The following ERC1 variants were observed in gnomAD, a reference collection of about 807,000 sequenced individuals.
ERC1 encodes the protein RAB6 interacting protein 2.
ERC1 carries 56 observed loss-of-function variants against 132.0 expected under a neutral mutation model. That is an observed-to-expected ratio of 0.42 (90% CI 0.34 to 0.53). ERC1 has a LOEUF of 0.53. Ranked by LOEUF, ERC1 falls within the 20% of genes least tolerant of loss-of-function variation. The probability of loss-of-function intolerance (pLI) is 0.03; values close to 1 mark genes in which losing one functional copy is unlikely to be tolerated. For missense variants in ERC1, 1,202 were observed against 1,349.9 expected (o/e 0.89, Z 1.72); for synonymous variants, 478 against 476.1 (o/e 1.00, Z -0.05).
chr12:1,382,637 T>C (rs1293379594), intron 16 of ERC1, among the ~76,000 whole-genome samples: 3 of 152,188 alleles, frequency 2.0e-5, no homozygotes, highest in Non-Finnish European at 2.9e-5. Context: ...ATCAAATGAT[T>C]TTAAAGTCTA....
Position 999,361 on chromosome 12 carries a change from G to A in ERC1, c.-157+8039G>A, listed in dbSNP as rs144631084. ...TTTCCATTTGGATGCCCCTTAAACC[G>A]AACACATCCAGAACGGAATGTATGA... On this transcript the variant is annotated intron_variant, in intron 1 of 18. Coordinates refer to ENST00000360905, the MANE Select transcript of ERC1 (RefSeq NM_178040.4). Among the ~76,000 whole-genome samples, 505 of 152,136 alleles carry A rather than the reference G, an allele frequency of 3.3e-3. 1 individual carries two copies. The highest frequency in any genetic ancestry group is 0.011 in the African/African-American group (452 of 41,490).
At chr12:1,094,135 C>T (rs1478900717) in intron 3 of ERC1, among the ~76,000 whole-genome samples, 22 of 149,358 alleles carry the variant, frequency 1.5e-4, no homozygotes, top group Middle Eastern at 3.5e-3. Context: ...TCTTCTGCCT[C>T]GGCCTCCTGA....
At chr12:1,431,161 G>A (rs977093266) in intron 17 of ERC1, among the ~76,000 whole-genome samples, 1 of 152,172 alleles carries the variant, frequency 6.6e-6, no homozygotes, top group African/African-American at 2.4e-5. Flanking sequence ...TGCCGACTGA[G>A]AACTTAGCTG....
chr12:1,323,468 T>G (rs1295404444), intron 15 of ERC1, among the ~76,000 whole-genome samples: 1 of 152,162 alleles, frequency 6.6e-6, no homozygotes, highest in Non-Finnish European at 1.5e-5. Flanking sequence ...AATAAAGAAA[T>G]GGTCACTGTC....
chr12:1,338,652 C>G (rs1595088351), intron 15 of ERC1, among the ~76,000 whole-genome samples: 1 of 152,058 alleles, frequency 6.6e-6, no homozygotes, highest in Non-Finnish European at 1.5e-5. Flanking sequence ...TTGGTTCTTT[C>G]TTATCTTTCT....
intron 1 of ERC1, among the ~76,000 whole-genome samples, chr12:1,018,196 G>T (rs1375032482): frequency 6.6e-6 from 1 of 152,042 alleles, no homozygotes; most frequent in East Asian, 1.9e-4. Flanking sequence ...TCAGTTCATG[G>T]AATTTGTTTT....
At chr12:1,418,257 A>G (rs2092219243) in intron 17 of ERC1, among the ~76,000 whole-genome samples, 1 of 152,238 alleles carries the variant, frequency 6.6e-6, no homozygotes, top group African/African-American at 2.4e-5. Context: ...ATTGGATACA[A>G]CAACAGAAGC....
At chr12:1,400,952 T>G (rs868656830) in intron 16 of ERC1, among the ~76,000 whole-genome samples, 15 of 126,938 alleles carry the variant, frequency 1.2e-4, no homozygotes, top group African/African-American at 4.4e-4. Flanking sequence ...TTTTTTTTTT[T>G]TGTGACGGAG....
At chr12:1,177,952 T>C (rs762355755) in intron 8 of ERC1, among the ~76,000 whole-genome samples, 1 of 152,182 alleles carries the variant, frequency 6.6e-6, no homozygotes, top group Non-Finnish European at 1.5e-5. Flanking sequence ...CCGTATGAGA[T>C]TTCAATAGTA....
chr12:1,478,799 A>G (rs2094027714), intron 18 of ERC1, among the ~76,000 whole-genome samples: 2 of 142,278 alleles, frequency 1.4e-5, no homozygotes, highest in Non-Finnish European at 1.5e-5. Flanking sequence ...AATAAAAAAA[A>G]GAGAGAGAGA....
chr12:1,299,719 T>TA (rs939248228), intron 15 of ERC1, among the ~76,000 whole-genome samples: 5 of 150,824 alleles, frequency 3.3e-5, no homozygotes, highest in Admixed American at 2.0e-4. Flanking sequence ...TTTAAAGAAT[T>TA]AAAAAAAAAT....
intron 17 of ERC1, among the ~76,000 whole-genome samples, chr12:1,432,831 C>T (rs1466742380): frequency 2.0e-5 from 3 of 152,222 alleles, no homozygotes; most frequent in Non-Finnish European, 2.9e-5. Context: ...GCAAAGATGT[C>T]ATAGCACATA....
Position 1,438,954 on chromosome 12 carries a change from A to AAAAAAAAT in ERC1, c.3025-5607_3025-5606insAAAAAATA, listed in dbSNP as rs1015181197. ...GAGACCTTGTCTCAATTTAAAAAAA[A>AAAAAAAAT]ATATATATATATATATAAAAAATGA... On this transcript the variant is annotated intron_variant, in intron 17 of 18. Coordinates refer to ENST00000360905, the MANE Select transcript of ERC1 (RefSeq NM_178040.4). 4.2e-3 allele frequency among the ~76,000 whole-genome samples: 601 copies of AAAAAAAAT among 143,538 alleles called. 5 individuals carry two copies. Among genetic ancestry groups the AAAAAAAAT allele is most frequent in the African/African-American group, 0.015 (555 of 38,190 alleles). The allele number at this position is 143,538 out of a possible 152,430, so 94.2% of individuals were successfully genotyped here.
intron 17 of ERC1, among the ~76,000 whole-genome samples, chr12:1,417,160 C>A (rs1298311005): frequency 6.6e-6 from 1 of 152,190 alleles, no homozygotes; most frequent in African/African-American, 2.4e-5. Flanking sequence ...GGTTTCTCTT[C>A]TTCCCTCCTC....
intron 8 of ERC1, among the ~76,000 whole-genome samples, chr12:1,180,282 T>TGTGTGTGTGC (rs1429193466): frequency 2.1e-4 from 31 of 144,318 alleles, no homozygotes; most frequent in Admixed American, 1.6e-3. Flanking sequence ...TGTGTGTGTG[T>TGTGTGTGTGC]GCGCGCACGC....
intron 1 of ERC1, among the ~76,000 whole-genome samples, chr12:1,012,866 A>G (rs747585772): frequency 3.9e-5 from 6 of 152,216 alleles, no homozygotes; most frequent in Non-Finnish European, 8.8e-5. Context: ...TATATAAGCT[A>G]ACTTTTCAAG....
chr12:1,455,450 A>C (rs886767377), intron 18 of ERC1, among the ~76,000 whole-genome samples: 4 of 152,110 alleles, frequency 2.6e-5, no homozygotes, highest in Non-Finnish European at 5.9e-5. Flanking sequence ...GTATCTGACC[A>C]CTGTTACTTA....
intron 15 of ERC1, among the ~76,000 whole-genome samples, chr12:1,346,213 A>G (rs2084437819): frequency 6.6e-6 from 1 of 152,156 alleles, no homozygotes; most frequent in South Asian, 2.1e-4. Context: ...TCCTGTATTC[A>G]TCCTGGTAAG....
At chr12:1,207,123 T>A (rs1038981525) in intron 12 of ERC1, among the ~76,000 whole-genome samples, 3 of 152,172 alleles carry the variant, frequency 2.0e-5, no homozygotes, top group Non-Finnish European at 4.4e-5. Flanking sequence ...ACATTTCACA[T>A]TAATTTCTAA....
Sources: gnomAD v4.1 joint callset for allele counts (sites outside exome capture counted in the v4.1 genomes callset) on GRCh38, gnomAD v4.1.1 for gene constraint, MANE v1.5 for transcripts, NCBI Gene and HGNC (gene_info 2026-07-23, HGNC 2026-07-21) for gene names.